Variants in TGFB1 observed in about 807,000 individuals in gnomAD.
The protein encoded by TGFB1 is transforming growth factor beta-1 proprotein.
Under a neutral mutation model 43.8 loss-of-function variants are expected in TGFB1, and 19 were observed. The ratio of observed to expected loss-of-function variants is 0.43; its 90% CI spans 0.30 to 0.64. The LOEUF (loss-of-function observed/expected upper bound fraction) is 0.64. TGFB1 is among the 30% of genes least tolerant of loss of function. TGFB1 has a pLI of 0.11. For missense variants in TGFB1, 445 were observed against 529.8 expected, an observed-to-expected ratio of 0.84 and a Z score of 1.57; for synonymous variants, 221 against 236.3, an observed-to-expected ratio of 0.94 and a Z score of 0.60.
intron 5 of TGFB1, among the ~76,000 whole-genome samples, chr19:41,339,388 G>A (rs1021648829): frequency 1.3e-5 from 2 of 151,874 alleles, no homozygotes; most frequent in African/African-American, 4.8e-5. Context: ...CAAAGTGCTG[G>A]GATTACAGGC....
At position 41,353,024 on chromosome 19, in the gene TGFB1, C is replaced by G. The variant is rs762213228; in HGVS notation, c.21G>C (p.Arg7=). Residue 7 remains arginine (R), a synonymous_variant, in exon 1 of 7, where the codon CGG becomes CGC. Coordinates refer to ENST00000221930, the MANE Select transcript of TGFB1 (RefSeq NM_000660.7). The surrounding 1 kb of genome is among the most constrained non-coding windows in gnomAD (Gnocchi z 5.9). The part of the protein sequence containing the change: MPPSGL[R]LLPLLLPLLW... ...GCAGCGGTAGCAGCAGCGGCAGCAG[C>G]CGCAGCCCGGAGGGCGGCATGGGGG... The G allele has an allele frequency of 1.7e-5, 26 of 1,530,210 alleles. No homozygotes were observed. The South Asian group carries it at 2.9e-4, about 17-fold the overall frequency. The allele number at this position is 1,530,210 out of a possible 1,614,324, so 94.8% of individuals were successfully genotyped here.
In TGFB1 at chr19:41,330,775, TC is replaced by T. The variant is rs2037919597; in HGVS notation, c.*276del. On this transcript the variant is annotated 3_prime_UTR_variant, in exon 7 of 7. Coordinates refer to ENST00000221930, the MANE Select transcript of TGFB1 (RefSeq NM_000660.7). The stretch of plus-strand genomic sequence containing the variant: ...TAACTACAGTAGTGTTCCCCACTGG[TC>T]CCCTGTGCCTTGATGCCGGGCAAAG... 2.3e-6 allele frequency: 1 copy of T among 443,814 alleles called. No individual in the cohort carries two copies. Among genetic ancestry groups the T allele is most frequent in the Non-Finnish European group, 4.0e-6 (1 of 247,422 alleles). The allele number at this position is 443,814 out of a possible 1,614,324, so 27.5% of individuals were successfully genotyped here.
At chr19:41,336,521 G>A (rs1296678849) in intron 5 of TGFB1, among the ~76,000 whole-genome samples, 40 of 151,604 alleles carry the variant, frequency 2.6e-4, no homozygotes, top group Non-Finnish European at 7.4e-5. Context: ...GAGTAGCTGG[G>A]ACAAAAGGTA....
At position 41,331,117 on chromosome 19, in the gene TGFB1, C is replaced by T; in HGVS notation, c.1108G>A (p.Val370Met). Residue 370 changes from valine (V) to methionine (M), a missense_variant, in exon 7 of 7, where the codon GTG (valine) becomes ATG (methionine). Coordinates refer to ENST00000221930, the MANE Select transcript of TGFB1 (RefSeq NM_000660.7). ...ALEPLPIVYY[V>M]GRKPKVEQLS... ...TGCTCCACCTTGGGCTTGCGGCCCACGTAGTACACGATGGGCAGCGGCTCC... is the reference window on the plus strand; with the variant it reads ...TGCTCCACCTTGGGCTTGCGGCCCATGTAGTACACGATGGGCAGCGGCTCC... 1.3e-6 allele frequency: 2 copies of T among 1,585,294 alleles called. No individual in the cohort carries two copies. The highest frequency in any genetic ancestry group is 8.6e-7 in the Non-Finnish European group (1 of 1,167,954).
chr19:41,344,751 A>G lies in TGFB1; in HGVS notation c.630T>C (p.Arg210=), dbSNP rs2123103318. Residue 210 remains arginine (R), a synonymous_variant, in exon 3 of 7, where the codon CGT becomes CGC. Transcript: ENST00000221930. ...VTGVVRQWLS[R]GGEIEGFRLS... ...GGACACACAAGTAATCCTCACCTCCACGGCTCAACCACTGCCGCACAACTC... is the reference window on the plus strand; with the variant it reads ...GGACACACAAGTAATCCTCACCTCCGCGGCTCAACCACTGCCGCACAACTC... 6.2e-7 allele frequency: 1 copy of G among 1,613,894 alleles called. No individual in the cohort carries two copies. Among genetic ancestry groups the G allele is most frequent in the South Asian group, 1.1e-5 (1 of 91,046 alleles).
intron 5 of TGFB1, among the ~76,000 whole-genome samples, chr19:41,339,561 A>G (rs893666622): frequency 3.4e-5 from 5 of 148,898 alleles, no homozygotes; most frequent in Admixed American, 6.7e-5. Flanking sequence ...GCAGTGGTTC[A>G]TGCCTGTAAT....
At chr19:41,333,209 ATTTT>A (rs1161079448) in intron 5 of TGFB1, among the ~76,000 whole-genome samples, 1 of 86,394 alleles carries the variant, frequency 1.2e-5, no homozygotes, top group African/African-American at 5.2e-5. Context: ...TTTTTTTTCT[ATTTT>A]TTTTTTTTTT....
At position 41,353,095 on chromosome 19, in the gene TGFB1, T is replaced by G; in HGVS notation, c.-51A>C. 2.8e-6 allele frequency: 4 copies of G among 1,452,678 alleles called. No homozygotes were observed. The highest frequency in any genetic ancestry group is 3.6e-6 in the Non-Finnish European group (4 of 1,108,772). 90.0% of individuals were successfully genotyped at this position (1,452,678 alleles called of 1,614,324 possible). On this transcript the variant is annotated 5_prime_UTR_variant, in exon 1 of 7. Transcript: ENST00000221930. The surrounding 1 kb of genome is among the most constrained non-coding windows in gnomAD (Gnocchi z 5.9). ...GCCGAGAGCGCGAACAGGGCTGGTGTGGTGGGGAGGCCCCGCCCCTGCAGG... is the reference window on the plus strand; with the variant it reads ...GCCGAGAGCGCGAACAGGGCTGGTGGGGTGGGGAGGCCCCGCCCCTGCAGG...
chr19:41,343,573 C>A (rs1191084866), intron 3 of TGFB1, among the ~76,000 whole-genome samples: 1 of 152,128 alleles, frequency 6.6e-6, no homozygotes, highest in Non-Finnish European at 1.5e-5. Context: ...GCACTTAGGG[C>A]GTTCCCCCAT....
intron 3 of TGFB1, among the ~76,000 whole-genome samples, chr19:41,343,546 T>C (rs1328164253): frequency 6.6e-6 from 1 of 152,066 alleles, no homozygotes; most frequent in Non-Finnish European, 1.5e-5. Context: ...CCAGGTGCCT[T>C]CTCTGGGCTC....
chr19:41,344,660 G>A (rs575750551), intron 3 of TGFB1, 87 bp downstream of exon 3: 7 of 1,226,998 alleles, frequency 5.7e-6, no homozygotes, highest in African/African-American at 3.0e-5. Context: ...ATGGGGCGGA[G>A]AGGGGTCCTA....
At chr19:41,352,342 G>GCC (rs2038211854) in intron 1 of TGFB1, among the ~76,000 whole-genome samples, 3 of 51,736 alleles carry the variant, frequency 5.8e-5, no homozygotes, top group African/African-American at 1.9e-4. Flanking sequence ...GGCACCCCAC[G>GCC]ACCCCCCCCC....
Position 41,332,134 on chromosome 19 carries a change from G to C in TGFB1, c.1008C>G (p.Tyr336Ter). ...CPYIWSLDTQ[Y>*]SKVLALYNQH... ...CCCGGTGGGCCAGACGTACCTTGCTGTACTGCGTGTCCAGGCTCCAAATGT... is the reference window on the plus strand; with the variant it reads ...CCCGGTGGGCCAGACGTACCTTGCTCTACTGCGTGTCCAGGCTCCAAATGT... Residue 336 changes from tyrosine (Y) to a stop codon, truncating the protein, a stop_gained, in exon 6 of 7, where the codon TAC becomes TAG. Coordinates refer to ENST00000221930, the MANE Select transcript of TGFB1 (RefSeq NM_000660.7). LOFTEE classifies it high-confidence loss of function. 6.2e-7 allele frequency: 1 copy of C among 1,613,768 alleles called. No homozygotes were observed. Among genetic ancestry groups the C allele is most frequent in the Non-Finnish European group, 8.5e-7 (1 of 1,179,766 alleles).
At chr19:41,349,941 G>T (rs1015143801) in intron 1 of TGFB1, among the ~76,000 whole-genome samples, 6 of 151,664 alleles carry the variant, frequency 4.0e-5, no homozygotes, top group African/African-American at 1.5e-4. Context: ...TGCAGACTGG[G>T]ATTCAAACTC....
At chr19:41,339,139 T>TC (rs2038023880) in intron 5 of TGFB1, among the ~76,000 whole-genome samples, 1 of 151,576 alleles carries the variant, frequency 6.6e-6, no homozygotes, top group Non-Finnish European at 1.5e-5. Flanking sequence ...TTTTTTTTTT[T>TC]TCCTGAGACA....
chr19:41,344,948 C>T, intron 2 of TGFB1, 84 bp from the exon 3 acceptor site: 2 of 1,303,214 alleles, frequency 1.5e-6, no homozygotes. Flanking sequence ...TTCACCCCAT[C>T]TGCTTCCCCA....
intron 5 of TGFB1, among the ~76,000 whole-genome samples, chr19:41,339,357 G>C (rs2038026542): frequency 6.6e-6 from 1 of 151,956 alleles, no homozygotes; most frequent in African/African-American, 2.4e-5. Flanking sequence ...AAGCTCAAGC[G>C]ATCTGCCTGC....
rs374776102 is a variant in TGFB1 at position 41,332,123 on chromosome 19, C to T, written c.1014+5G>A. The T allele has an allele frequency of 4.3e-5, 69 of 1,609,764 alleles. No individual in the cohort carries two copies. The highest frequency in any genetic ancestry group is 1.6e-4 in the Middle Eastern group (1 of 6,072). ...GCATCTCGTAGCCCGGTGGGCCAGA[C>T]GTACCTTGCTGTACTGCGTGTCCAG... On this transcript the variant is annotated splice_donor_5th_base_variant and intron_variant, in intron 6 of 6. Transcript: ENST00000221930.
At chr19:41,341,788 C>CA in intron 5 of TGFB1, 95 bp downstream of exon 5, 2 of 1,520,382 alleles carry the variant, frequency 1.3e-6, no homozygotes, top group South Asian at 2.3e-5. Context: ...AGCCCAAGCA[C>CA]AGCAGCAGCC....
Sources: allele counts gnomAD v4.1 joint callset (sites outside exome capture counted in the v4.1 genomes callset), GRCh38; gene constraint gnomAD v4.1.1; non-coding constraint Gnocchi (gnomAD v3.1); transcripts MANE v1.5; gene names NCBI Gene and HGNC (gene_info 2026-07-23, HGNC 2026-07-21).